Variants in DDR2 observed in about 807,000 individuals in gnomAD.
The protein encoded by DDR2 is discoidin domain-containing receptor 2.
In DDR2, 27 loss-of-function variants were observed where a neutral mutation model predicts 94.9. That is an observed-to-expected ratio of 0.28 (90% CI 0.21 to 0.39). DDR2 has a LOEUF of 0.39. Among genes scored for constraint, DDR2 ranks in the 10% least tolerant of loss-of-function variants. The pLI, the probability that DDR2 is intolerant of heterozygous loss-of-function variation, is 1.00. For missense variants in DDR2, 783 were observed against 1,076.0 expected (o/e 0.73, Z 3.81); for synonymous variants, 382 against 377.2 (o/e 1.01, Z -0.15).
At chr1:162,682,651 TA>T (rs1020241002) in intron 2 of DDR2, among the ~76,000 whole-genome samples, 1 of 152,244 alleles carries the variant, frequency 6.6e-6, no homozygotes, top group African/African-American at 2.4e-5. Context: ...TATACTGACT[TA>T]GGCAAGTACT....
intron 1 of DDR2, among the ~76,000 whole-genome samples, chr1:162,633,908 A>G (rs181415517): frequency 6.6e-6 from 1 of 152,374 alleles, no homozygotes; most frequent in Non-Finnish European, 1.5e-5. Flanking sequence ...TATGTAAGGC[A>G]TTATTTCTAT....
intron 2 of DDR2, among the ~76,000 whole-genome samples, chr1:162,676,987 G>A (rs1021787768): frequency 6.6e-6 from 1 of 152,156 alleles, no homozygotes; most frequent in Non-Finnish European, 1.5e-5. Flanking sequence ...GGTTTAAAGT[G>A]GTCAAAAGGA....
intron 1 of DDR2, among the ~76,000 whole-genome samples, chr1:162,635,438 AAC>A: frequency 6.6e-6 from 1 of 152,240 alleles, no homozygotes; most frequent in South Asian, 2.1e-4. Context: ...ACACAATCCA[AAC>A]ACATGTCTCG....
chr1:162,675,261 G>A (rs1261408059), intron 2 of DDR2, among the ~76,000 whole-genome samples: 1 of 152,184 alleles, frequency 6.6e-6, no homozygotes, highest in Non-Finnish European at 1.5e-5. Flanking sequence ...GTAGAATAAT[G>A]TAGAGATTAC....
chr1:162,691,276 C>T (rs1659950894), intron 2 of DDR2, among the ~76,000 whole-genome samples: 1 of 152,154 alleles, frequency 6.6e-6, no homozygotes, highest in African/African-American at 2.4e-5. Context: ...GAGGACTGGG[C>T]TCTGGAAGGA....
At chr1:162,661,493 C>T (rs1421579610) in intron 2 of DDR2, among the ~76,000 whole-genome samples, 2 of 152,152 alleles carry the variant, frequency 1.3e-5, no homozygotes, top group East Asian at 3.9e-4. Flanking sequence ...CCACCTGTCT[C>T]TTATTTGGGT....
intron 2 of DDR2, among the ~76,000 whole-genome samples, chr1:162,667,397 C>T (rs1008472852): frequency 6.6e-6 from 1 of 152,168 alleles, no homozygotes; most frequent in African/African-American, 2.4e-5. Context: ...CTATGGCAGA[C>T]CCCGTGTTTC....
At position 162,780,422 on chromosome 1, in the gene DDR2, T is replaced by TAC; in HGVS notation, c.*176_*177insAC. On this transcript the variant is annotated 3_prime_UTR_variant, in exon 18 of 18. Coordinates refer to ENST00000367921, the MANE Select transcript of DDR2 (RefSeq NM_006182.4). ...TCCCTACCCCTGACTCATATACACT[T>TAC]TTTTTTTTTTTTACATTAAAGAACT... is the stretch of plus-strand genomic sequence containing the variant. 5.3e-4 allele frequency: 2 copies of TAC among 3,776 alleles called. No homozygotes were observed. The highest frequency in any genetic ancestry group is 1.6e-3 in the Non-Finnish European group (2 of 1,284). The allele number at this position is 3,776 out of a possible 1,614,324, so 0.2% of individuals were successfully genotyped here.
chr1:162,704,478 T>TA (rs1049197386), intron 2 of DDR2, among the ~76,000 whole-genome samples: 3 of 151,904 alleles, frequency 2.0e-5, no homozygotes, highest in Admixed American at 6.6e-5. Flanking sequence ...GATACTATAA[T>TA]AAAAAAAAGA....
chr1:162,670,972 T>C (rs1306018509), intron 2 of DDR2, among the ~76,000 whole-genome samples: 1 of 152,210 alleles, frequency 6.6e-6, no homozygotes, highest in East Asian at 1.9e-4. Context: ...GTGGTTGAAA[T>C]GCTGTATTTA....
At chr1:162,736,465 GT>G (rs1333694032) in intron 3 of DDR2, among the ~76,000 whole-genome samples, 5 of 152,224 alleles carry the variant, frequency 3.3e-5, no homozygotes, top group African/African-American at 9.6e-5. Flanking sequence ...AGATGAGTTA[GT>G]ATTTACTCAA....
chr1:162,766,430 A>G (rs1218705816), intron 10 of DDR2, among the ~76,000 whole-genome samples: 1 of 152,230 alleles, frequency 6.6e-6, no homozygotes, highest in Non-Finnish European at 1.5e-5. Context: ...CCAATTGGAG[A>G]TAAATATGCC....
At chr1:162,638,124 G>A (rs1656928794) in intron 1 of DDR2, among the ~76,000 whole-genome samples, 1 of 152,108 alleles carries the variant, frequency 6.6e-6, no homozygotes, top group Non-Finnish European at 1.5e-5. Context: ...GGGTTCAAGT[G>A]ATTCTCCTGC....
chr1:162,760,421 T>G (rs1663660147), intron 8 of DDR2, among the ~76,000 whole-genome samples: 1 of 149,430 alleles, frequency 6.7e-6, no homozygotes, highest in African/African-American at 2.4e-5. Context: ...ATGATATATA[T>G]ATATACACAA....
intron 14 of DDR2, 73 bp from the exon 15 acceptor site, chr1:162,775,579 G>C (rs1354264852): frequency 6.6e-7 from 1 of 1,512,746 alleles, no homozygotes; most frequent in Non-Finnish European, 9.1e-7. Flanking sequence ...AATAGGCCTT[G>C]GTGTGCATTC....
At position 162,719,793 on chromosome 1, in the gene DDR2, CT is replaced by C. The variant is rs1368589480; in HGVS notation, c.82+649del. Among the ~76,000 whole-genome samples, 3 of 152,040 alleles carry C rather than the reference CT, an allele frequency of 2.0e-5. No individual in the cohort carries two copies. The East Asian group carries it at 5.8e-4, about 29-fold the overall frequency. On this transcript the variant is annotated intron_variant, in intron 3 of 17. Coordinates refer to ENST00000367921, the MANE Select transcript of DDR2 (RefSeq NM_006182.4). ...CTTTAAACGAGCATTTATTTGGCTC[CT>C]AGCTGGACTTGTTTGGACTGTTCTC...
At chr1:162,727,968 T>TAG (rs896391329) in intron 3 of DDR2, among the ~76,000 whole-genome samples, 10 of 142,550 alleles carry the variant, frequency 7.0e-5, no homozygotes, top group Admixed American at 2.2e-4. Context: ...TATCTATATA[T>TAG]ATATATATAG....
Position 162,759,829 on chromosome 1 carries a change from T to C in DDR2, c.705T>C (p.Gly235=), listed in dbSNP as rs763565671. The C allele has an allele frequency of 6.2e-7, 1 of 1,614,136 alleles. No individual in the cohort carries two copies. The highest frequency in any genetic ancestry group is 1.1e-5 in the South Asian group (1 of 91,080). Residue 235 remains glycine, a synonymous_variant, in exon 8 of 18, where the codon GGT becomes GGC. Transcript: ENST00000367921. ...AAGGGCTAGGCCAATTGACCGATGGTGTGTCTGGCCTGGACGATTTCACCC... is the reference window on the plus strand; with the variant it reads ...AAGGGCTAGGCCAATTGACCGATGGCGTGTCTGGCCTGGACGATTTCACCC... ...MTEGLGQLTD[G]VSGLDDFTQT...
In DDR2 at chr1:162,786,186, A is replaced by T. The variant is rs941243585; in HGVS notation, c.*5940A>T. On this transcript the variant is annotated 3_prime_UTR_variant, in exon 18 of 18. Transcript: ENST00000367921. ...ACACAATTGAAAGCTGGCTTCCTGC[A>T]AACACACCAAGAGTCTGTAATCTAG... 5 of 152,240 alleles carry T rather than the reference A, an allele frequency of 3.3e-5. No homozygotes were observed. The highest frequency in any genetic ancestry group is 1.2e-4 in the African/African-American group (5 of 41,458). The allele number at this position is 152,240 out of a possible 1,614,324, so 9.4% of individuals were successfully genotyped here. A position where few individuals can be genotyped will look rare whatever the true frequency, so the allele number is the denominator to read the frequency against.
Sources: gnomAD v4.1 joint callset for allele counts (sites outside exome capture counted in the v4.1 genomes callset) on GRCh38, gnomAD v4.1.1 for gene constraint, MANE v1.5 for transcripts, NCBI Gene and HGNC (gene_info 2026-07-23, HGNC 2026-07-21) for gene names.